The following SLC6A2 variants were observed in gnomAD, a reference collection of about 807,000 sequenced individuals.
The protein encoded by SLC6A2 is solute carrier family 6 member 2.
Under a neutral mutation model 71.7 loss-of-function variants are expected in SLC6A2, and 26 were observed. The ratio of observed to expected loss-of-function variants is 0.36; its 90% CI spans 0.27 to 0.50. The LOEUF (loss-of-function observed/expected upper bound fraction) is 0.50. SLC6A2 is among the 20% of genes least tolerant of loss of function. SLC6A2 has a pLI of 0.96. For synonymous variants in SLC6A2, 363 were observed against 337.9 expected (o/e 1.07, Z -0.82); for missense variants, 581 against 803.9 (o/e 0.72, Z 3.35).
chr16:55,667,442 T>C (rs1490770912), intron 2 of SLC6A2, among the ~76,000 whole-genome samples: 2 of 152,236 alleles, frequency 1.3e-5, no homozygotes, highest in African/African-American at 4.8e-5. Context: ...TAAAAACTTG[T>C]GTGCAGCTTG....
intron 6 of SLC6A2, among the ~76,000 whole-genome samples, chr16:55,693,415 T>A (rs1965698486): frequency 6.6e-6 from 1 of 151,746 alleles, no homozygotes; most frequent in African/African-American, 2.4e-5. Flanking sequence ...GTGTGAGGTA[T>A]AATTATCCCC....
In SLC6A2 at chr16:55,656,846, G is replaced by A; in HGVS notation, c.152G>A (p.Gly51Asp). Reference protein sequence around the residue: ...GVQCLLAPRDGDAQPRETWGK... With the variant: ...GVQCLLAPRDDDAQPRETWGK... ...CAGTGCCTGCTGGCGCCCCGCGACG[G>A]CGACGCGCAGCCCCGGGAGACCTGG... Residue 51 changes from glycine (G) to aspartate (D), a missense_variant, in exon 2 of 15, where the codon GGC becomes GAC. By Grantham distance (94) the Gly-to-Asp change is moderately conservative. Coordinates refer to ENST00000568943, the MANE Select transcript of SLC6A2 (RefSeq NM_001172501.3). The surrounding 1 kb of genome is among the most constrained non-coding windows in gnomAD (Gnocchi z 4.5). 4 of 1,613,722 alleles carry A rather than the reference G, an allele frequency of 2.5e-6. No individual in the cohort carries two copies. The highest frequency in any genetic ancestry group is 3.4e-6 in the Non-Finnish European group (4 of 1,179,848).
At chr16:55,681,848 T>G (rs1367990851) in intron 4 of SLC6A2, among the ~76,000 whole-genome samples, 1 of 152,266 alleles carries the variant, frequency 6.6e-6, no homozygotes, top group African/African-American at 2.4e-5. Context: ...TAAAGCCACC[T>G]TCCAGGGAAG....
At position 55,672,167 on chromosome 16, in the gene SLC6A2, G is replaced by A; in HGVS notation, c.636G>A (p.Glu212=). 6.2e-7 allele frequency: 1 copy of A among 1,614,188 alleles called. No individual in the cohort carries two copies. The highest frequency in any genetic ancestry group is 8.5e-7 in the Non-Finnish European group (1 of 1,180,040). Residue 212 remains glutamate (E), a synonymous_variant, in exon 4 of 15, where the codon GAG becomes GAA. Coordinates refer to ENST00000568943, the MANE Select transcript of SLC6A2 (RefSeq NM_001172501.3). ...YSKYKFTPAA[E]FYERGVLHLH... is the part of the protein sequence containing the mutation. ...AGTACAAGTTCACGCCGGCAGCCGA[G>A]TTTTATGAGTAAGTCACAGACCCCT...
intron 2 of SLC6A2, among the ~76,000 whole-genome samples, chr16:55,667,378 TA>T (rs59480071): frequency 6.8e-4 from 103 of 152,252 alleles, no homozygotes; most frequent in Middle Eastern, 3.4e-3. Flanking sequence ...TCCTCATCTG[TA>T]AAAGGGATTG....
At chr16:55,678,771 C>A (rs1437442562) in intron 4 of SLC6A2, among the ~76,000 whole-genome samples, 1 of 152,084 alleles carries the variant, frequency 6.6e-6, no homozygotes, top group East Asian at 1.9e-4. Flanking sequence ...CTTCGGAAAG[C>A]CTGGACAGTA....
chr16:55,659,944 G>A (rs1964565558), intron 2 of SLC6A2, among the ~76,000 whole-genome samples: 1 of 152,000 alleles, frequency 6.6e-6, no homozygotes, highest in Admixed American at 6.6e-5. Context: ...ATAACTCATG[G>A]AGAGCCTGGC....
Position 55,702,556 on chromosome 16 carries a change from G to A in SLC6A2, c.*210G>A. 6.8e-7 allele frequency: 1 copy of A among 1,464,428 alleles called. No individual in the cohort carries two copies. 90.7% of individuals were successfully genotyped at this position (1,464,428 alleles called of 1,614,324 possible). On this transcript the variant is annotated 3_prime_UTR_variant, in exon 15 of 15. Transcript: ENST00000568943. Reference sequence around the variant, plus strand: ...GCCTGGGGGCTGTTAGCTCAGAGGAGAGGAGCAAACAGGAAAATGACTTCT... The same window carrying A: ...GCCTGGGGGCTGTTAGCTCAGAGGAAAGGAGCAAACAGGAAAATGACTTCT...
intron 5 of SLC6A2, among the ~76,000 whole-genome samples, chr16:55,686,500 T>C (rs140603664): frequency 4.0e-4 from 61 of 152,296 alleles, no homozygotes; most frequent in African/African-American, 1.4e-3. Context: ...GGGAGGGGAT[T>C]ACACACAGGT....
chr16:55,666,665 C>G (rs1014909111), intron 2 of SLC6A2, among the ~76,000 whole-genome samples: 8 of 152,210 alleles, frequency 5.3e-5, no homozygotes, highest in African/African-American at 1.9e-4. Context: ...CCATCATCTT[C>G]CCTCCTTTTC....
chr16:55,663,335 G>C (rs1166083893), intron 2 of SLC6A2, among the ~76,000 whole-genome samples: 1 of 152,084 alleles, frequency 6.6e-6, no homozygotes, highest in Non-Finnish European at 1.5e-5. Flanking sequence ...TTTGGAGAGG[G>C]TAAGTGAGTT....
In SLC6A2 at chr16:55,671,922, C is replaced by CCCTGT. The variant is rs2142515064; in HGVS notation, c.407-13_407-9dup. On this transcript the variant is annotated splice_polypyrimidine_tract_variant and intron_variant, in intron 3 of 14. Transcript: ENST00000568943. ...GGGCCTGGGAGACTCCTACCTTACC[C>CCCTGT]CCTGTCCCTGCCCAGGCGTTGGCTA... 6.2e-7 allele frequency: 1 copy of CCCTGT among 1,614,022 alleles called. No individual in the cohort carries two copies. The highest frequency in any genetic ancestry group is 2.2e-5 in the East Asian group (1 of 44,858).
rs1253418339 is a variant in SLC6A2 at position 55,704,941 on chromosome 16, G to A, written c.*2595G>A. 3.4e-6 allele frequency: 1 copy of A among 295,098 alleles called. No individual in the cohort carries two copies. Among genetic ancestry groups the A allele is most frequent in the Non-Finnish European group, 6.2e-6 (1 of 160,914 alleles). The allele number at this position is 295,098 out of a possible 1,614,324, so 18.3% of individuals were successfully genotyped here. On this transcript the variant is annotated 3_prime_UTR_variant, in exon 15 of 15. Coordinates refer to ENST00000568943, the MANE Select transcript of SLC6A2 (RefSeq NM_001172501.3). ...TCGGGGAGGTGCTTGGAGATCATTT[G>A]GGTTTACCTTTCCACCCACATTTAA...
chr16:55,669,490 G>A, intron 2 of SLC6A2, 75 bp from the exon 3 acceptor site: 1 of 1,551,130 alleles, frequency 6.4e-7, no homozygotes, highest in Non-Finnish European at 8.9e-7. Flanking sequence ...GATCTTTGCA[G>A]CTCTTGCAGA....
Position 55,656,848 on chromosome 16 carries a change from G to T in SLC6A2, c.154G>T (p.Asp52Tyr). The T allele has an allele frequency of 1.2e-6, 2 of 1,613,736 alleles. No individual in the cohort carries two copies. The highest frequency in any genetic ancestry group is 1.1e-5 in the South Asian group (1 of 91,058). Residue 52 changes from aspartate (D) to tyrosine (Y), a missense_variant, in exon 2 of 15, where the codon GAC becomes TAC. Asp to Tyr is a radical substitution (Grantham distance 160). Transcript: ENST00000568943. This position sits in a 1 kb window ranked among gnomAD's most constrained non-coding sequence, Gnocchi z 4.5. The stretch of plus-strand genomic sequence containing the variant: ...GTGCCTGCTGGCGCCCCGCGACGGC[G>T]ACGCGCAGCCCCGGGAGACCTGGGG... ...VQCLLAPRDG[D>Y]AQPRETWGKK... is the part of the protein sequence containing the mutation.
chr16:55,695,170 T>C (rs1965756619), intron 7 of SLC6A2, 108 bp from the exon 8 acceptor site: 8 of 1,310,022 alleles, frequency 6.1e-6, no homozygotes, highest in Admixed American at 5.0e-5. Context: ...GAAGGGGGGA[T>C]GGCCTTTGAG....
chr16:55,701,696 A>T (rs1028738088), intron 13 of SLC6A2, among the ~76,000 whole-genome samples, 167 bp from the exon 14 acceptor site: 1 of 152,228 alleles, frequency 6.6e-6, no homozygotes, highest in East Asian at 1.9e-4. Flanking sequence ...GACTCAATGG[A>T]CCAGCTCCAC....
At chr16:55,700,419 G>A in intron 13 of SLC6A2, 113 bp downstream of exon 13, 1 of 916,152 alleles carries the variant, frequency 1.1e-6, no homozygotes, top group Non-Finnish European at 1.6e-6. Flanking sequence ...CAGACACTAG[G>A]GTCAAACGGA....
At chr16:55,675,592 C>T (rs916821816) in intron 4 of SLC6A2, among the ~76,000 whole-genome samples, 6 of 152,178 alleles carry the variant, frequency 3.9e-5, no homozygotes, top group Admixed American at 3.3e-4. Context: ...AACTTCCCGC[C>T]ATGATAGAAA....
Sources: allele counts gnomAD v4.1 joint callset (sites outside exome capture counted in the v4.1 genomes callset), GRCh38; gene constraint gnomAD v4.1.1; non-coding constraint Gnocchi (gnomAD v3.1); transcripts MANE v1.5; gene names NCBI Gene and HGNC (gene_info 2026-07-23, HGNC 2026-07-21).